ELF1: variants seen among roughly 807,000 people sequenced by gnomAD.
The protein encoded by ELF1 is E74 like ETS transcription factor 1.
A neutral mutation model predicts 59.9 loss-of-function variants in ELF1; 24 were observed. The observed-to-expected ratio is 0.40, with a 90% CI of 0.29 to 0.56. ELF1 has a LOEUF of 0.56. Among genes scored for constraint, ELF1 ranks in the 20% least tolerant of loss-of-function variants. The probability of loss-of-function intolerance (pLI) is 0.44; values close to 1 mark genes in which losing one functional copy is unlikely to be tolerated. For synonymous variants in ELF1, 248 were observed against 266.2 expected (o/e 0.93, Z 0.67); for missense variants, 627 against 742.2 (o/e 0.84, Z 1.80).
chr13:40,999,376 T>C (rs1874286569), intron 1 of ELF1, among the ~76,000 whole-genome samples: 1 of 151,986 alleles, frequency 6.6e-6, no homozygotes. Flanking sequence ...AGTAAAAATA[T>C]ATTGTGTCTG....
At chr13:41,021,381 T>C (rs556047076), upstream of ELF1, among the ~76,000 whole-genome samples, 16 of 152,282 alleles carry the variant, frequency 1.1e-4, no homozygotes, top group South Asian at 3.1e-3. Context: ...AGAGCTGCCA[T>C]TACAATATAT....
At chr13:41,041,888 G>A (rs1050620252) in intron 1 of ELF1, among the ~76,000 whole-genome samples, 2 of 152,190 alleles carry the variant, frequency 1.3e-5, no homozygotes, top group South Asian at 4.1e-4. Context: ...CAATACCTGT[G>A]TGTACACAAT....
intron 8 of ELF1, among the ~76,000 whole-genome samples, chr13:40,935,452 C>G (rs961652492): frequency 6.6e-6 from 1 of 152,082 alleles, no homozygotes; most frequent in African/African-American, 2.4e-5. Context: ...AGGAGAAAAA[C>G]AAATTGGCTT....
intron 3 of ELF1, among the ~76,000 whole-genome samples, chr13:40,952,162 T>C (rs1228178991): frequency 1.3e-5 from 2 of 152,226 alleles, no homozygotes; most frequent in Non-Finnish European, 2.9e-5. Flanking sequence ...TCCCATAGTT[T>C]GGATTTTGCC....
At chr13:40,951,181 A>C (rs1870822984) in intron 4 of ELF1, 148 bp downstream of exon 4, 3 of 567,008 alleles carry the variant, frequency 5.3e-6, no homozygotes, top group Non-Finnish European at 8.6e-6. Context: ...CGTTTTTGCA[A>C]AGGCACCTCA....
intron 2 of ELF1, among the ~76,000 whole-genome samples, 184 bp from the exon 3 acceptor site, chr13:40,959,200 A>C (rs949191452): frequency 6.6e-6 from 1 of 152,156 alleles, no homozygotes; most frequent in African/African-American, 2.4e-5. Context: ...AATGGCATTA[A>C]AATTTAAAAA....
At chr13:40,955,686 C>A (rs1218349648) in intron 3 of ELF1, among the ~76,000 whole-genome samples, 21 of 128,256 alleles carry the variant, frequency 1.6e-4, no homozygotes, top group African/African-American at 5.5e-4. Flanking sequence ...GGGGAGTCAG[C>A]CCCCGGCCTG....
intron 1 of ELF1, among the ~76,000 whole-genome samples, chr13:41,007,132 A>G (rs1056640952): frequency 3.3e-5 from 5 of 152,076 alleles, no homozygotes; most frequent in Admixed American, 2.0e-4. Context: ...CCTATCTTCA[A>G]TGATGCCGCT....
chr13:41,023,098 G>C (rs1875752226), upstream of ELF1, among the ~76,000 whole-genome samples: 1 of 152,180 alleles, frequency 6.6e-6, no homozygotes, highest in Non-Finnish European at 1.5e-5. Context: ...TTGTCAACAT[G>C]TATATTTGAA....
chr13:41,032,371 C>T (rs1176448586), intron 1 of ELF1, among the ~76,000 whole-genome samples: 1 of 151,802 alleles, frequency 6.6e-6, no homozygotes, highest in African/African-American at 2.4e-5. Flanking sequence ...GCATGCACCA[C>T]CATGCCCAGC....
chr13:40,995,255 T>C (rs1566183826), intron 1 of ELF1, among the ~76,000 whole-genome samples: 1 of 152,198 alleles, frequency 6.6e-6, no homozygotes, highest in Non-Finnish European at 1.5e-5. Flanking sequence ...GTAGGAGTCA[T>C]TTACCAAAAG....
At chr13:41,044,457 G>A (rs932780801) in intron 1 of ELF1, among the ~76,000 whole-genome samples, 7 of 152,188 alleles carry the variant, frequency 4.6e-5, no homozygotes, top group Non-Finnish European at 8.8e-5. Flanking sequence ...ACTATTTTGA[G>A]ATACGTCCCA....
At chr13:40,949,749 T>C in intron 5 of ELF1, 57 bp downstream of exon 5, 1 of 1,566,432 alleles carries the variant, frequency 6.4e-7, no homozygotes. Flanking sequence ...ATAAAAGTGA[T>C]ATCTAGATTT....
chr13:41,009,287 A>G (rs1874921529), intron 1 of ELF1, among the ~76,000 whole-genome samples: 1 of 152,140 alleles, frequency 6.6e-6, no homozygotes, highest in African/African-American at 2.4e-5. Flanking sequence ...AAAGCTTGAA[A>G]AAAAAAAGTA....
intron 1 of ELF1, among the ~76,000 whole-genome samples, chr13:41,046,886 A>G (rs550413670): frequency 3.3e-4 from 50 of 152,144 alleles, no homozygotes; most frequent in Non-Finnish European, 8.8e-5. Context: ...GTGTTTTCCA[A>G]CTTGGTTCCA....
intron 1 of ELF1, among the ~76,000 whole-genome samples, chr13:40,999,594 G>T (rs1359608284): frequency 6.6e-6 from 1 of 152,114 alleles, no homozygotes; most frequent in South Asian, 2.1e-4. Flanking sequence ...GATGGTGGTC[G>T]ATGACTATAA....
intron 1 of ELF1, among the ~76,000 whole-genome samples, chr13:41,051,144 GAA>G (rs913320268): frequency 2.6e-5 from 4 of 151,466 alleles, no homozygotes; most frequent in African/African-American, 9.7e-5. Context: ...CAATGCAAAA[GAA>G]AAAAGTTTTT....
chr13:41,055,857 T>G (rs976937638), intron 1 of ELF1, among the ~76,000 whole-genome samples: 18 of 146,394 alleles, frequency 1.2e-4, no homozygotes, highest in African/African-American at 2.0e-4. Flanking sequence ...CTAATTTTTG[T>G]TTTTTTTTTT....
intron 1 of ELF1, among the ~76,000 whole-genome samples, chr13:41,013,285 C>T (rs994796614): frequency 5.9e-5 from 9 of 152,162 alleles, no homozygotes; most frequent in Non-Finnish European, 1.2e-4. Flanking sequence ...TACTGCTCTA[C>T]AGAACTTCTA....
Sources: allele counts gnomAD v4.1 joint callset (sites outside exome capture counted in the v4.1 genomes callset), GRCh38; gene constraint gnomAD v4.1.1; transcripts MANE v1.5; gene names NCBI Gene and HGNC (gene_info 2026-07-23, HGNC 2026-07-21).